GNAO1: variants seen among roughly 807,000 people sequenced by gnomAD.
GNAO1 encodes guanine nucleotide-binding protein G(o) subunit alpha.
For synonymous variants in GNAO1, 164 were observed against 180.7 expected, an observed-to-expected ratio of 0.91 and a Z score of 0.74; for missense variants, 166 against 478.7, an observed-to-expected ratio of 0.35 and a Z score of 6.10.
At chr16:56,247,798 T>C (rs1428374793) in intron 2 of GNAO1, among the ~76,000 whole-genome samples, 1 of 152,218 alleles carries the variant, frequency 6.6e-6, no homozygotes, top group East Asian at 1.9e-4. Flanking sequence ...CTGCCTAAGA[T>C]AGAGGATTGG....
At chr16:56,207,891 C>T (rs1427792956) in intron 2 of GNAO1, among the ~76,000 whole-genome samples, 2 of 152,218 alleles carry the variant, frequency 1.3e-5, no homozygotes, top group African/African-American at 2.4e-5. Context: ...AGCAAGCACT[C>T]AGGTAACCAT....
intron 3 of GNAO1, among the ~76,000 whole-genome samples, chr16:56,296,200 ATTCTGT>A (rs2073472745): frequency 6.6e-6 from 1 of 152,086 alleles, no homozygotes; most frequent in South Asian, 2.1e-4. Flanking sequence ...GTTGTTGCTG[ATTCTGT>A]TCCTGTTTTG....
At position 56,258,206 on chromosome 16, in the gene GNAO1, TTGC is replaced by T. The variant is rs534443588; in HGVS notation, c.162-17722_162-17720del. On this transcript the variant is annotated intron_variant, in intron 2 of 8. Coordinates refer to ENST00000262493, the MANE Select transcript of GNAO1 (RefSeq NM_020988.3). ...CTGTGAAACAGAGCCACTACCAGGC[TTGC>T]TGAGGTGGAGATTATGAGTGGGGTT... Among the ~76,000 whole-genome samples, 190 of 152,276 alleles carry T rather than the reference TTGC, an allele frequency of 1.2e-3. No individual in the cohort carries two copies. The East Asian group carries it at 0.023, about 18-fold the overall frequency.
chr16:56,211,570 C>T (rs2036388332), intron 2 of GNAO1, among the ~76,000 whole-genome samples: 1 of 152,172 alleles, frequency 6.6e-6, no homozygotes, highest in African/African-American at 2.4e-5. Flanking sequence ...GGTCAGTCTC[C>T]ACCCCTGCCC....
intron 2 of GNAO1, among the ~76,000 whole-genome samples, chr16:56,261,446 T>C (rs1194905817): frequency 6.6e-6 from 1 of 152,254 alleles, no homozygotes; most frequent in East Asian, 1.9e-4. Flanking sequence ...TTGCTGGTGG[T>C]GTATTGGTGT....
At chr16:56,266,266 G>A (rs1424703997) in intron 2 of GNAO1, among the ~76,000 whole-genome samples, 2 of 152,158 alleles carry the variant, frequency 1.3e-5, no homozygotes, top group African/African-American at 4.8e-5. Flanking sequence ...AGAAGAGGAG[G>A]ATGCCGTCAG....
At chr16:56,193,536 G>C (rs2036201880) in intron 2 of GNAO1, 1 of 161,978 alleles carries the variant, frequency 6.2e-6, no homozygotes, top group African/African-American at 2.4e-5. Flanking sequence ...TTCTGCCTTA[G>C]CTATCAGTTT....
intron 2 of GNAO1, among the ~76,000 whole-genome samples, chr16:56,218,625 C>T (rs1006135783): frequency 1.3e-5 from 2 of 152,126 alleles, no homozygotes; most frequent in African/African-American, 4.8e-5. Flanking sequence ...CTGGTGTGAC[C>T]CTGCCTGCCC....
At chr16:56,346,701 C>T in intron 6 of GNAO1, 2 of 985,680 alleles carry the variant, frequency 2.0e-6, no homozygotes, top group African/African-American at 3.5e-5. Flanking sequence ...ACCATACCTG[C>T]TGCCAGGACG....
rs556277239 is a variant in GNAO1 at position 56,290,358 on chromosome 16, C to T, written c.303+14286C>T. Reference sequence around the variant, plus strand: ...ATATGACTTCAGTTGGAGTCAGTCTCCAGCACCCAGCACAGTGCCTGGCCC... The same window carrying T: ...ATATGACTTCAGTTGGAGTCAGTCTTCAGCACCCAGCACAGTGCCTGGCCC... On this transcript the variant is annotated intron_variant, in intron 3 of 8. Coordinates refer to ENST00000262493, the MANE Select transcript of GNAO1 (RefSeq NM_020988.3). Among the ~76,000 whole-genome samples, 7 of 152,334 alleles carry T rather than the reference C, an allele frequency of 4.6e-5. No individual in the cohort carries two copies. In the East Asian group the frequency reaches 9.6e-4, roughly 21 times the overall value.
At chr16:56,214,291 C>T (rs1373650201) in intron 2 of GNAO1, among the ~76,000 whole-genome samples, 1 of 152,164 alleles carries the variant, frequency 6.6e-6, no homozygotes, top group Non-Finnish European at 1.5e-5. Flanking sequence ...GAGGCTGTCA[C>T]AGGACAAGGA....
intron 2 of GNAO1, among the ~76,000 whole-genome samples, chr16:56,271,605 C>T (rs1567463696): frequency 6.6e-6 from 1 of 152,150 alleles, no homozygotes; most frequent in Non-Finnish European, 1.5e-5. Context: ...AGGTGCATGC[C>T]ACCACACCAG....
chr16:56,210,547 G>A (rs931497317), intron 2 of GNAO1, among the ~76,000 whole-genome samples: 2 of 152,202 alleles, frequency 1.3e-5, no homozygotes, highest in African/African-American at 4.8e-5. Context: ...CAACAAATGC[G>A]AGTTCCTGTT....
chr16:56,345,064 C>T (rs1223879892), intron 6 of GNAO1: 5 of 985,424 alleles, frequency 5.1e-6, no homozygotes, highest in Non-Finnish European at 4.8e-6. Context: ...CCCCCTGTCC[C>T]CAACTCTAAA....
rs141691264 is a variant in GNAO1, at chr16:56,212,753, A to G, written c.161+20137A>G. Among the ~76,000 whole-genome samples the G allele has an allele frequency of 4.1e-3, 621 of 152,264 alleles. 3 individuals carry two copies. The highest frequency in any genetic ancestry group is 0.014 in the African/African-American group (590 of 41,554). On this transcript the variant is annotated intron_variant, in intron 2 of 8. Transcript: ENST00000262493. ...ATGGTGACAAGGTCGCTGTTGTGCTATGTGGGTGCTCAGAGTTCTTCATTG... is the reference window on the plus strand; with the variant it reads ...ATGGTGACAAGGTCGCTGTTGTGCTGTGTGGGTGCTCAGAGTTCTTCATTG...
chr16:56,275,424 T>C (rs1023353752), intron 2 of GNAO1, among the ~76,000 whole-genome samples: 11 of 152,242 alleles, frequency 7.2e-5, no homozygotes, highest in African/African-American at 2.4e-4. Context: ...TTATTGACTT[T>C]TCTGTTGTCA....
chr16:56,343,080 A>G (rs1480820491), intron 6 of GNAO1, among the ~76,000 whole-genome samples: 1 of 151,916 alleles, frequency 6.6e-6, no homozygotes, highest in Non-Finnish European at 1.5e-5. Flanking sequence ...CCTGGGCGAC[A>G]GAACAAGACT....
chr16:56,313,311 A>G (rs1331467396), intron 3 of GNAO1, among the ~76,000 whole-genome samples: 1 of 151,978 alleles, frequency 6.6e-6, no homozygotes, highest in East Asian at 1.9e-4. Context: ...TTGTTTATGT[A>G]GGTTATATCT....
intron 2 of GNAO1, among the ~76,000 whole-genome samples, chr16:56,204,271 C>T (rs1242894109): frequency 6.6e-6 from 1 of 152,118 alleles, no homozygotes; most frequent in African/African-American, 2.4e-5. Context: ...ATTTCAGGTC[C>T]TTACAGGGTA....
Sources: allele counts gnomAD v4.1 joint callset (sites outside exome capture counted in the v4.1 genomes callset), GRCh38; gene constraint gnomAD v4.1.1; transcripts MANE v1.5; gene names NCBI Gene and HGNC (gene_info 2026-07-23, HGNC 2026-07-21).